Variants in GRM7 observed in about 807,000 individuals in gnomAD.
GRM7 encodes the protein metabotropic glutamate receptor 7.
Under a neutral mutation model 84.5 loss-of-function variants are expected in GRM7, and 35 were observed. The ratio of observed to expected loss-of-function variants is 0.41; its 90% CI spans 0.32 to 0.55. The LOEUF (loss-of-function observed/expected upper bound fraction) is 0.55. Among genes scored for constraint, GRM7 ranks in the 20% least tolerant of loss-of-function variants. The pLI is 0.19. For missense variants in GRM7, 1,003 were observed against 1,194.6 expected, an observed-to-expected ratio of 0.84 and a Z score of 2.36; for synonymous variants, 487 against 455.1, an observed-to-expected ratio of 1.07 and a Z score of -0.89.
At chr3:7,158,577 A>ACC (rs1355194514) in intron 2 of GRM7, among the ~76,000 whole-genome samples, 2 of 152,162 alleles carry the variant, frequency 1.3e-5, no homozygotes, top group Non-Finnish European at 2.9e-5. Context: ...AATATGAAAG[A>ACC]TTATGCACTC....
At chr3:7,738,722 T>C (rs1485840145) in intron 9 of GRM7, among the ~76,000 whole-genome samples, 2 of 147,478 alleles carry the variant, frequency 1.4e-5, no homozygotes, top group Non-Finnish European at 3.0e-5. Flanking sequence ...TTCTGGGTTT[T>C]CTTTTTTTTT....
intron 1 of GRM7, among the ~76,000 whole-genome samples, chr3:7,122,138 A>C (rs549250549): frequency 1.3e-5 from 2 of 152,324 alleles, no homozygotes; most frequent in East Asian, 3.9e-4. Flanking sequence ...ATAGCAGCAG[A>C]AAATAGACTA....
chr3:7,548,649 T>A (rs1018050517), intron 7 of GRM7, among the ~76,000 whole-genome samples: 21 of 152,136 alleles, frequency 1.4e-4, no homozygotes, highest in African/African-American at 4.8e-4. Context: ...TCTAAAGATG[T>A]TTTTGGTTCT....
rs1309530521 is a variant in GRM7 at position 7,298,713 on chromosome 3, A to G, written c.766A>G (p.Ile256Val). 1.2e-6 allele frequency: 2 copies of G among 1,613,626 alleles called. No individual in the cohort carries two copies. The highest frequency in any genetic ancestry group is 1.1e-5 in the South Asian group (1 of 91,078). ...ACTCTGCATTGCCCAGTCCGTGAGA[A>G]TCCCCCAGGAACGCAAAGACAGGAC... ...GGLCIAQSVR[I>V]PQERKDRTID... The change falls in exon 3 of 10, where the codon ATC becomes GTC. Residue 256 changes from isoleucine (I) to valine (V), a missense_variant. By Grantham distance (29) the Ile-to-Val change is conservative. This residue lies in a region of GRM7 where 910 missense variants were observed against 1,126.0 expected (regional missense o/e 0.81). Coordinates refer to ENST00000357716, the MANE Select transcript of GRM7 (RefSeq NM_000844.4).
intron 7 of GRM7, among the ~76,000 whole-genome samples, chr3:7,537,776 T>C (rs895346095): frequency 8.5e-5 from 13 of 152,302 alleles, no homozygotes; most frequent in Admixed American, 7.8e-4. Flanking sequence ...TTAGTGTAGA[T>C]TATTCAACTA....
At chr3:7,282,848 C>T (rs1441061736) in intron 2 of GRM7, among the ~76,000 whole-genome samples, 1 of 152,116 alleles carries the variant, frequency 6.6e-6, no homozygotes, top group Non-Finnish European at 1.5e-5. Context: ...TAAGATCTCC[C>T]AGAAGAGAGG....
At chr3:7,712,874 G>A (rs1701631445) in intron 9 of GRM7, among the ~76,000 whole-genome samples, 1 of 152,040 alleles carries the variant, frequency 6.6e-6, no homozygotes, top group South Asian at 2.1e-4. Context: ...TCAGCTTCTG[G>A]CAGCCCCAGG....
At chr3:6,879,451 C>A (rs1301120109) in intron 1 of GRM7, among the ~76,000 whole-genome samples, 1 of 152,180 alleles carries the variant, frequency 6.6e-6, no homozygotes, top group Non-Finnish European at 1.5e-5. Flanking sequence ...ACACACTACA[C>A]CCTTACCTGT....
intron 4 of GRM7, among the ~76,000 whole-genome samples, chr3:7,325,089 T>C (rs540967585): frequency 9.8e-5 from 15 of 152,300 alleles, no homozygotes; most frequent in South Asian, 4.1e-4. Flanking sequence ...GCAGACCACC[T>C]GCTTCCTTCT....
intron 9 of GRM7, among the ~76,000 whole-genome samples, chr3:7,698,691 G>A (rs1701112574): frequency 6.6e-6 from 1 of 152,166 alleles, no homozygotes; most frequent in African/African-American, 2.4e-5. Context: ...CTCTGCATCT[G>A]AGGATGTTTA....
rs553230000 is a variant in GRM7, at chr3:7,409,675, A to T, written c.1034-5348A>T. Among the ~76,000 whole-genome samples, 9 of 152,258 alleles carry T rather than the reference A, an allele frequency of 5.9e-5. No individual in the cohort carries two copies. The East Asian group carries it at 1.5e-3, about 26-fold the overall frequency. On this transcript the variant is annotated intron_variant, in intron 4 of 9. Coordinates refer to ENST00000357716, the MANE Select transcript of GRM7 (RefSeq NM_000844.4). ...GAGTACAGTGGCGGGATCTTGGCTC[A>T]CTGCAACCTCTGCCTCCTGGGTTCA... is the stretch of plus-strand genomic sequence containing the variant.
At position 6,887,499 on chromosome 3, in the gene GRM7, C is replaced by T. The variant is rs183128598; in HGVS notation, c.519+25592C>T. 2.1e-3 allele frequency among the ~76,000 whole-genome samples: 322 copies of T among 151,782 alleles called. 3 individuals carry two copies. The highest frequency in any genetic ancestry group is 1.0e-3 in the Non-Finnish European group (70 of 67,970). Reference sequence around the variant, plus strand: ...TGCAGTGCTTGGTTTTTTGTTCTTGCGATAGTTTACTGAGAATGATGATTT... The same window carrying T: ...TGCAGTGCTTGGTTTTTTGTTCTTGTGATAGTTTACTGAGAATGATGATTT... On this transcript the variant is annotated intron_variant, in intron 1 of 9. Transcript: ENST00000357716.
chr3:7,375,779 A>G lies in GRM7; in HGVS notation c.1034-39244A>G, dbSNP rs368252455. Reference sequence around the variant, plus strand: ...TCCTCCTCTATTTTAGCACTCACTCAAGCAAAATAACCTCAGAAAAATGTC... The same window carrying G: ...TCCTCCTCTATTTTAGCACTCACTCGAGCAAAATAACCTCAGAAAAATGTC... On this transcript the variant is annotated intron_variant, in intron 4 of 9. Coordinates refer to ENST00000357716, the MANE Select transcript of GRM7 (RefSeq NM_000844.4). Among the ~76,000 whole-genome samples the G allele has an allele frequency of 4.1e-4, 62 of 152,230 alleles. 1 individual carries two copies. In the South Asian group the frequency reaches 1.0e-2, roughly 24 times the overall value.
At chr3:6,961,946 C>G (rs898015709) in intron 1 of GRM7, among the ~76,000 whole-genome samples, 3 of 152,204 alleles carry the variant, frequency 2.0e-5, no homozygotes, top group African/African-American at 7.2e-5. Context: ...AAACTTCCTA[C>G]AGCCAGGGTT....
chr3:6,957,797 A>G (rs1325719951), intron 1 of GRM7, among the ~76,000 whole-genome samples: 2 of 152,220 alleles, frequency 1.3e-5, no homozygotes, highest in Non-Finnish European at 2.9e-5. Flanking sequence ...ACACAGTGAA[A>G]AAGAGGGATA....
chr3:7,675,593 A>G (rs2125136081), intron 8 of GRM7, among the ~76,000 whole-genome samples: 1 of 152,378 alleles, frequency 6.6e-6, no homozygotes, highest in Non-Finnish European at 1.5e-5. Flanking sequence ...GAGCATGTTC[A>G]ACTGAGCTTT....
intron 8 of GRM7, among the ~76,000 whole-genome samples, chr3:7,631,492 T>C (rs1697858546): frequency 6.6e-6 from 1 of 152,214 alleles, no homozygotes; most frequent in South Asian, 2.1e-4. Flanking sequence ...ACTCATTCAT[T>C]CAGTAGATTC....
intron 1 of GRM7, among the ~76,000 whole-genome samples, chr3:6,915,778 T>TA (rs1182964188): frequency 2.0e-5 from 3 of 152,246 alleles, no homozygotes; most frequent in Non-Finnish European, 2.9e-5. Context: ...ATGGGCTTGA[T>TA]ACTCTATTTT....
chr3:7,728,298 G>T (rs184863759), intron 9 of GRM7, among the ~76,000 whole-genome samples: 1 of 152,268 alleles, frequency 6.6e-6, no homozygotes, highest in East Asian at 1.9e-4. Flanking sequence ...CCAGGTAAAG[G>T]GAGAAGGTCA....
Sources: allele counts gnomAD v4.1 joint callset (sites outside exome capture counted in the v4.1 genomes callset), GRCh38; gene constraint gnomAD v4.1.1; regional missense constraint gnomAD v4.1.1; transcripts MANE v1.5; gene names NCBI Gene and HGNC (gene_info 2026-07-23, HGNC 2026-07-21).